The following GPX7 variants were observed in gnomAD, a reference collection of about 807,000 sequenced individuals.
GPX7 encodes protein peroxidase GPX7.
Under a neutral mutation model 23.7 loss-of-function variants are expected in GPX7, and 21 were observed. That is an observed-to-expected ratio of 0.89 (90% confidence interval 0.63 to 1.28). The LOEUF is 1.28. Among genes scored for constraint, GPX7 ranks in the 50% most tolerant of loss-of-function variants. The probability of loss-of-function intolerance (pLI) is 0.00; values close to 1 mark genes in which losing one functional copy is unlikely to be tolerated. For synonymous variants in GPX7, 112 were observed against 101.8 expected (o/e 1.10, Z -0.61); for missense variants, 238 against 237.3 (o/e 1.00, Z -0.02).
intron 1 of GPX7, among the ~76,000 whole-genome samples, chr1:52,604,774 G>A (rs1690837124): frequency 1.3e-5 from 2 of 152,206 alleles, no homozygotes; most frequent in African/African-American, 4.8e-5. Flanking sequence ...GCCGGACGCA[G>A]TGGCTCACGC....
rs1051285479 is a variant in GPX7, at chr1:52,608,581, G to A, written c.*156G>A. The A allele has an allele frequency of 1.8e-4, 94 of 519,300 alleles. No individual in the cohort carries two copies. Among genetic ancestry groups the A allele is most frequent in the Middle Eastern group, 5.4e-4 (1 of 1,838 alleles). The allele number at this position is 519,300 out of a possible 1,614,324, so 32.2% of individuals were successfully genotyped here. On this transcript the variant is annotated 3_prime_UTR_variant, in exon 3 of 3. Coordinates refer to ENST00000361314, the MANE Select transcript of GPX7 (RefSeq NM_015696.5). Reference sequence around the variant, plus strand: ...TCATTCTTGTGGGGGAAAAATTCTAGTATTTTGATTATTTGAATCTTACAG... The same window carrying A: ...TCATTCTTGTGGGGGAAAAATTCTAATATTTTGATTATTTGAATCTTACAG...
chr1:52,604,052 A>G (rs1009064866), intron 1 of GPX7, among the ~76,000 whole-genome samples: 1 of 152,214 alleles, frequency 6.6e-6, no homozygotes, highest in Non-Finnish European at 1.5e-5. Flanking sequence ...TACAGTGGTG[A>G]ACAAAACAGA....
intron 1 of GPX7, among the ~76,000 whole-genome samples, chr1:52,606,148 C>T (rs141341669): frequency 2.0e-5 from 3 of 152,194 alleles, no homozygotes; most frequent in Non-Finnish European, 2.9e-5. Context: ...TATGCCAGGC[C>T]CAGAGATGAA....
Position 52,608,274 on chromosome 1 carries a change from A to G in GPX7, c.413A>G (p.Lys138Arg). 1 of 1,611,610 alleles carries G rather than the reference A, an allele frequency of 6.2e-7. No homozygotes were observed. Among genetic ancestry groups the G allele is most frequent in the African/African-American group, 1.3e-5 (1 of 74,846 alleles). Reference protein sequence around the residue: ...AFKYLAQTSGKEPTWNFWKYL... With the variant: ...AFKYLAQTSGREPTWNFWKYL... ...CCTTTTTCTCTAGAGACTTCTGGGA[A>G]GGAGCCCACCTGGAACTTCTGGAAG... Residue 138 changes from lysine to arginine, a missense_variant, in exon 3 of 3, where the codon AAG becomes AGG. Lys to Arg is a conservative substitution (Grantham distance 26). Transcript: ENST00000361314.
Position 52,606,920 on chromosome 1 carries a change from C to A in GPX7, c.375C>A (p.Ala125=), listed in dbSNP as rs755873752. ...FSKIAVTGTG[A]HPAFKYLAQT... Reference sequence around the variant, plus strand: ...AGATTGCAGTCACCGGTACTGGTGCCCATCCTGCCTTCAAGTACCTGGCCC... The same window carrying A: ...AGATTGCAGTCACCGGTACTGGTGCACATCCTGCCTTCAAGTACCTGGCCC... The change falls in exon 2 of 3, where the codon GCC becomes GCA. Residue 125 remains alanine (A), a synonymous_variant. Transcript: ENST00000361314. 3 of 1,614,184 alleles carry A rather than the reference C, an allele frequency of 1.9e-6. No homozygotes were observed. Among genetic ancestry groups the A allele is most frequent in the Non-Finnish European group, 2.5e-6 (3 of 1,180,010 alleles).
intron 1 of GPX7, among the ~76,000 whole-genome samples, chr1:52,606,284 T>C (rs1690851131): frequency 6.6e-6 from 1 of 152,154 alleles, no homozygotes; most frequent in African/African-American, 2.4e-5. Context: ...CCCCCTCTTA[T>C]CAGTTCTCAG....
Position 52,607,347 on chromosome 1 carries a change from G to T in GPX7, c.400+402G>T. On this transcript the variant is annotated intron_variant, in intron 2 of 2. Coordinates refer to ENST00000361314, the MANE Select transcript of GPX7 (RefSeq NM_015696.5). ...CACCTGCTTGGAGAAAGCTGACCAA[G>T]ATAGTAGACAGGCATCTTCACCCTG... The T allele has an allele frequency of 1.0e-5, 2 of 194,984 alleles. 1 individual carries two copies. Among genetic ancestry groups the T allele is most frequent in the Non-Finnish European group, 2.1e-5 (2 of 94,320 alleles). 12.1% of individuals were successfully genotyped at this position (194,984 alleles called of 1,614,324 possible).
At chr1:52,608,093 A>G (rs1258157772) in intron 2 of GPX7, among the ~76,000 whole-genome samples, 169 bp from the exon 3 acceptor site, 1 of 152,180 alleles carries the variant, frequency 6.6e-6, no homozygotes, top group Non-Finnish European at 1.5e-5. Context: ...GGGGCTTTTG[A>G]AAAATGCTGA....
chr1:52,607,655 G>C (rs946154), intron 2 of GPX7, among the ~76,000 whole-genome samples: 99,844 of 152,026 alleles, frequency 0.66, 32,935 homozygotes, highest in East Asian at 0.8. Flanking sequence ...TGAGAAGCAA[G>C]AGTGCAGCAA....
intron 1 of GPX7, among the ~76,000 whole-genome samples, chr1:52,604,934 A>T (rs1690839070): frequency 6.6e-6 from 1 of 150,658 alleles, no homozygotes; most frequent in Non-Finnish European, 1.5e-5. Context: ...AATCCCAGCT[A>T]CTCAGGAGGC....
At chr1:52,608,189 T>C in intron 2 of GPX7, 73 bp from the exon 3 acceptor site, 3 of 1,401,228 alleles carry the variant, frequency 2.1e-6, no homozygotes, top group Admixed American at 4.3e-5. Flanking sequence ...CAGGGAAAGA[T>C]GGACACTGAG....
chr1:52,606,727 A>G lies in GPX7; in HGVS notation c.182A>G (p.Asp61Gly). Reference sequence around the variant, plus strand: ...GTGGCCAGCGAGTGCGGCTTCACAGACCAGCACTACCGAGCCCTGCAGCAG... The same window carrying G: ...GTGGCCAGCGAGTGCGGCTTCACAGGCCAGCACTACCGAGCCCTGCAGCAG... ...VNVASECGFT[D>G]QHYRALQQLQ... Residue 61 changes from aspartate (D) to glycine (G), a missense_variant, in exon 2 of 3, where the codon GAC becomes GGC. Asp to Gly is a moderately conservative substitution (Grantham distance 94). Transcript: ENST00000361314. The G allele has an allele frequency of 1.2e-6, 2 of 1,614,132 alleles. No individual in the cohort carries two copies. Among genetic ancestry groups the G allele is most frequent in the Non-Finnish European group, 1.7e-6 (2 of 1,180,038 alleles).
At chr1:52,603,103 G>T (rs539102347) in intron 1 of GPX7, among the ~76,000 whole-genome samples, 2 of 152,224 alleles carry the variant, frequency 1.3e-5, no homozygotes, top group South Asian at 2.1e-4. Context: ...GCAGGCATTC[G>T]CACAAGGTCA....
intron 2 of GPX7, 47 bp from the exon 3 acceptor site, chr1:52,608,215 G>A (rs566584046): frequency 6.5e-7 from 1 of 1,537,312 alleles, no homozygotes; most frequent in Admixed American, 2.0e-5. Flanking sequence ...AGTCCCAGGA[G>A]AGGGTACGCA....
At chr1:52,604,662 C>T (rs188755855) in intron 1 of GPX7, among the ~76,000 whole-genome samples, 2 of 152,212 alleles carry the variant, frequency 1.3e-5, no homozygotes, top group African/African-American at 4.8e-5. Flanking sequence ...TTTCTAAGGA[C>T]CAAGCTTTTT....
intron 1 of GPX7, among the ~76,000 whole-genome samples, chr1:52,604,469 A>G (rs1341729395): frequency 2.6e-5 from 4 of 152,360 alleles, no homozygotes; most frequent in South Asian, 4.1e-4. Flanking sequence ...AATTGGGACC[A>G]TAGTCATTTA....
chr1:52,606,675 G>C lies in GPX7; in HGVS notation c.139-9G>C, dbSNP rs199646174. 6.8e-5 allele frequency: 109 copies of C among 1,610,902 alleles called. 1 individual carries two copies. The East Asian group carries it at 1.7e-3, about 25-fold the overall frequency. ...CTGGGCTTTGTTTTGTTTTGTTTCT[G>C]TCATACAGGTGTCCCTGGTGGTGAA... On this transcript the variant is annotated splice_polypyrimidine_tract_variant and intron_variant, in intron 1 of 2. Transcript: ENST00000361314.
chr1:52,603,420 G>A (rs1393546397), intron 1 of GPX7, among the ~76,000 whole-genome samples: 1 of 152,182 alleles, frequency 6.6e-6, no homozygotes, highest in Non-Finnish European at 1.5e-5. Context: ...TGGAGGCTAC[G>A]AGTGGTGGAA....
At chr1:52,602,602 CTGCT>C in intron 1 of GPX7, 55 bp downstream of exon 1, 3 of 1,187,266 alleles carry the variant, frequency 2.5e-6, no homozygotes, top group Non-Finnish European at 1.1e-6. Flanking sequence ...CTGGCGGGGC[CTGCT>C]GGGGACGCCC....
Sources: gnomAD v4.1 joint callset for allele counts (sites outside exome capture counted in the v4.1 genomes callset) on GRCh38, gnomAD v4.1.1 for gene constraint, MANE v1.5 for transcripts, NCBI Gene and HGNC (gene_info 2026-07-23, HGNC 2026-07-21) for gene names.